RYR1: variants seen among roughly 807,000 people sequenced by gnomAD.
RYR1 encodes the protein central core disease of muscle.
Under a neutral mutation model 583.5 loss-of-function variants are expected in RYR1, and 342 were observed. That is an observed-to-expected ratio of 0.59 (90% CI 0.54 to 0.64). RYR1 has a LOEUF of 0.64. RYR1 is among the 30% of genes least tolerant of loss of function. The pLI, the probability that RYR1 is intolerant of heterozygous loss-of-function variation, is 0.00. For synonymous variants in RYR1, 2,791 were observed against 2,822.5 expected, an observed-to-expected ratio of 0.99 and a Z score of 0.35; for missense variants, 6,032 against 6,917.2, an observed-to-expected ratio of 0.87 and a Z score of 4.54.
chr19:38,469,040 C>T lies in RYR1; in HGVS notation c.3456C>T (p.Ile1152=), dbSNP rs11083462. The T allele has an allele frequency of 0.37, 601,868 of 1,613,670 alleles. 114,716 individuals are homozygous for T. The highest frequency in any genetic ancestry group is 0.52 in the South Asian group (47,735 of 91,060). The change falls in exon 26 of 106, where the codon ATC becomes ATT. Residue 1152 remains isoleucine, a synonymous_variant. Coordinates refer to ENST00000359596, the MANE Select transcript of RYR1 (RefSeq NM_000540.3). ...WQPGDVVGCM[I]DLTENTIIFT... is the part of the protein sequence containing the mutation. ...CGGGCGATGTCGTTGGCTGTATGAT[C>T]GACCTCACAGAGAACACCATTATCT...
intron 3 of RYR1, 124 bp downstream of exon 3, chr19:38,442,577 T>C (rs1216481479): frequency 4.3e-6 from 3 of 699,606 alleles, no homozygotes; most frequent in African/African-American, 1.8e-5. Flanking sequence ...CTGCTCTTCT[T>C]CCTCTCTCTG....
chr19:38,568,817 C>T (rs1973572117), intron 93 of RYR1, among the ~76,000 whole-genome samples: 3 of 151,766 alleles, frequency 2.0e-5, no homozygotes, highest in African/African-American at 7.3e-5. Context: ...GTGGTTCCGT[C>T]AGAATTTGTG....
At chr19:38,578,245 G>T (rs753860659) in intron 99 of RYR1, 41 bp downstream of exon 99, 7 of 1,603,604 alleles carry the variant, frequency 4.4e-6, no homozygotes, top group African/African-American at 2.7e-5. Flanking sequence ...CTCTGCAGGG[G>T]TGGGGCGTTA....
intron 92 of RYR1, among the ~76,000 whole-genome samples, chr19:38,567,368 C>A (rs1479030809): frequency 6.6e-6 from 1 of 151,998 alleles, no homozygotes; most frequent in Admixed American, 6.6e-5. Flanking sequence ...AATGAAAACT[C>A]CCATCTAACT....
chr19:38,495,655 G>A (rs1276528814), intron 39 of RYR1, among the ~76,000 whole-genome samples: 1 of 152,142 alleles, frequency 6.6e-6, no homozygotes, highest in Non-Finnish European at 1.5e-5. Context: ...GACAACATTT[G>A]ACAAAGGGCA....
At chr19:38,473,342 T>C in intron 27 of RYR1, 35 bp from the exon 28 acceptor site, 1 of 1,613,006 alleles carries the variant, frequency 6.2e-7, no homozygotes, top group South Asian at 1.1e-5. Context: ...CTAGCCCGCC[T>C]GCCCAGCCCA....
chr19:38,463,141 GCC>G lies in RYR1; in HGVS notation c.2578-269_2578-268del, dbSNP rs34883994. ...TTGAACTCCTGACCTCAGGCGATCTGCCCCCCCCCCCCCCACTTAGCCTCCCA... is the reference window on the plus strand; with the variant it reads ...TTGAACTCCTGACCTCAGGCGATCTGCCCCCCCCCCCCACTTAGCCTCCCA... On this transcript the variant is annotated intron_variant, in intron 20 of 105. Coordinates refer to ENST00000359596, the MANE Select transcript of RYR1 (RefSeq NM_000540.3). 9.4e-4 allele frequency among the ~76,000 whole-genome samples: 31 copies of G among 32,954 alleles called. 4 individuals carry two copies. Among genetic ancestry groups the G allele is most frequent in the African/African-American group, 5.0e-3 (24 of 4,780 alleles). The allele number at this position is 32,954 out of a possible 152,430, so 21.6% of individuals were successfully genotyped here. A position where few individuals can be genotyped will look rare whatever the true frequency, so the allele number is the denominator to read the frequency against.
Position 38,529,075 on chromosome 19 carries a change from G to A in RYR1, c.11141+18G>A, listed in dbSNP as rs1971615286. The A allele has an allele frequency of 6.2e-7, 1 of 1,612,640 alleles. No homozygotes were observed. The highest frequency in any genetic ancestry group is 8.5e-7 in the Non-Finnish European group (1 of 1,179,694). The stretch of plus-strand genomic sequence containing the variant: ...GAAAAGAGGTGAAGACTCTTGCCAG[G>A]GCCCCAGAAATGCCCCCAAGGTCCT... On this transcript the variant is annotated intron_variant, in intron 76 of 105. Transcript: ENST00000359596.
intron 101 of RYR1, among the ~76,000 whole-genome samples, chr19:38,582,768 C>T (rs1048516514): frequency 2.6e-5 from 4 of 152,150 alleles, no homozygotes; most frequent in Non-Finnish European, 5.9e-5. Context: ...ACTAGAGACA[C>T]AGGCCACAAT....
chr19:38,491,169 C>T (rs995198414), intron 37 of RYR1, among the ~76,000 whole-genome samples: 1 of 152,148 alleles, frequency 6.6e-6, no homozygotes, highest in Non-Finnish European at 1.5e-5. Flanking sequence ...TTTTCCTTGG[C>T]TGACTTTTAA....
rs772882086 is a variant in RYR1, at chr19:38,477,793, C to G, written c.4377C>G (p.His1459Gln). ...AGWVTPDYHQ[H>Q]DMSFDLSKVR... ...GGGTCACCCCTGACTACCATCAGCACGACATGAGCTTCGACCTCAGCAAGG... is the reference window on the plus strand; with the variant it reads ...GGGTCACCCCTGACTACCATCAGCAGGACATGAGCTTCGACCTCAGCAAGG... Residue 1459 changes from histidine to glutamine, a missense_variant, in exon 30 of 106, where the codon CAC becomes CAG. Physicochemically the swap from His to Gln is conservative, Grantham distance 24. Transcript: ENST00000359596. 6.2e-7 allele frequency: 1 copy of G among 1,613,928 alleles called. No homozygotes were observed. Among genetic ancestry groups the G allele is most frequent in the Non-Finnish European group, 8.5e-7 (1 of 1,180,006 alleles).
In RYR1 at chr19:38,512,889, TCACTTGAGTCC is replaced by T. The variant is rs1004417123; in HGVS notation, c.9472+407_9472+417del. Among the ~76,000 whole-genome samples, 6 of 152,018 alleles carry T rather than the reference TCACTTGAGTCC, an allele frequency of 3.9e-5. No individual in the cohort carries two copies. Among genetic ancestry groups the T allele is most frequent in the Non-Finnish European group, 8.8e-5 (6 of 67,964 alleles). Reference sequence around the variant, plus strand: ...TACTGGGGAGGCTGACAAGGGAGGATCACTTGAGTCCAAGAGTTGGAGGCTGCAATGAGCTA... The same window carrying T: ...TACTGGGGAGGCTGACAAGGGAGGATAAGAGTTGGAGGCTGCAATGAGCTA... On this transcript the variant is annotated intron_variant, in intron 63 of 105. Transcript: ENST00000359596. The surrounding 1 kb of genome is among the most constrained non-coding windows in gnomAD (Gnocchi z 5.1).
chr19:38,460,636 TAGGAGTC>T, intron 20 of RYR1, 45 bp downstream of exon 20: 1 of 1,561,340 alleles, frequency 6.4e-7, no homozygotes, highest in Non-Finnish European at 8.7e-7. Flanking sequence ...CAGGGTCTCT[TAGGAGTC>T]AGAGAGGGGG....
chr19:38,519,179 C>T (rs768403521), intron 66 of RYR1, 35 bp from the exon 67 acceptor site: 39 of 1,613,680 alleles, frequency 2.4e-5, no homozygotes, highest in Admixed American at 6.7e-5. Context: ...TGTCAGAGGC[C>T]GGAGGTGGCA....
In RYR1 at chr19:38,505,824, T is replaced by C; in HGVS notation, c.8419T>C (p.Trp2807Arg). 1.2e-6 allele frequency: 2 copies of C among 1,614,074 alleles called. No homozygotes were observed. The highest frequency in any genetic ancestry group is 1.7e-6 in the Non-Finnish European group (2 of 1,180,024). ...FSEKDKEIYR[W>R]PIKESLKAMI... ...ACCCCAGGACAAAGAGATTTACCGC[T>C]GGCCCATCAAGGAGTCCCTGAAGGC... Residue 2807 changes from tryptophan (W) to arginine (R), a missense_variant, in exon 54 of 106, where the codon TGG (tryptophan) becomes CGG (arginine). This residue lies in a region of RYR1 where 1,493 missense variants were observed against 1,715.5 expected (regional missense o/e 0.87). Coordinates refer to ENST00000359596, the MANE Select transcript of RYR1 (RefSeq NM_000540.3).
Position 38,516,160 on chromosome 19 carries a change from C to G in RYR1, c.9628C>G (p.Leu3210Val), listed in dbSNP as rs1187439292. 1 of 1,559,534 alleles carries G rather than the reference C, an allele frequency of 6.4e-7. No individual in the cohort carries two copies. The highest frequency in any genetic ancestry group is 1.2e-5 in the South Asian group (1 of 84,572). ...GCCGGTGGCGTTCCTGGAGCCGCAG[C>G]TGAACGAGTACAACGCCTGCTCCGT... Reference protein sequence around the residue: ...AMPVAFLEPQLNEYNACSVYT... With the variant: ...AMPVAFLEPQVNEYNACSVYT... Residue 3210 changes from leucine to valine, a missense_variant, in exon 65 of 106, where the codon CTG (leucine) becomes GTG (valine). Physicochemically the swap from Leu to Val is conservative, Grantham distance 32. Around this residue, in one of 11 missense-constraint regions of RYR1, gnomAD observed 1,493 missense variants for 1,715.5 expected, o/e 0.87. Transcript: ENST00000359596.
chr19:38,468,973 G>A lies in RYR1; in HGVS notation c.3389G>A (p.Arg1130His), dbSNP rs371498385. 52 of 1,614,052 alleles carry A rather than the reference G, an allele frequency of 3.2e-5. No individual in the cohort carries two copies. Among genetic ancestry groups the A allele is most frequent in the African/African-American group, 1.5e-4 (11 of 74,986 alleles). ...CTCTGGCTGTCCTCACAGGGCCAGC[G>A]CTGGCACTTGGGCAGTGAACCATTT... ...AYVFNGHRGQ[R>H]WHLGSEPFGR... Residue 1130 changes from arginine to histidine, a missense_variant, in exon 26 of 106, where the codon CGC becomes CAC. Physicochemically the swap from Arg to His is conservative, Grantham distance 29. Around this residue, in one of 11 missense-constraint regions of RYR1, gnomAD observed 2,627 missense variants for 2,961.3 expected, o/e 0.89. Coordinates refer to ENST00000359596, the MANE Select transcript of RYR1 (RefSeq NM_000540.3).
At chr19:38,538,216 G>A (rs1972058092) in intron 84 of RYR1, among the ~76,000 whole-genome samples, 1 of 152,050 alleles carries the variant, frequency 6.6e-6, no homozygotes, top group South Asian at 2.1e-4. Context: ...TGGCCAACAT[G>A]GTGAAACCCC....
intron 67 of RYR1, among the ~76,000 whole-genome samples, chr19:38,521,168 C>T (rs1437436951): frequency 1.3e-5 from 2 of 151,944 alleles, no homozygotes; most frequent in African/African-American, 4.8e-5. Flanking sequence ...ACCTGTAGTC[C>T]TTGCCTCAGG....
Sources: allele counts gnomAD v4.1 joint callset (sites outside exome capture counted in the v4.1 genomes callset), GRCh38; gene constraint gnomAD v4.1.1; regional missense constraint gnomAD v4.1.1; non-coding constraint Gnocchi (gnomAD v3.1); transcripts MANE v1.5; gene names NCBI Gene and HGNC (gene_info 2026-07-23, HGNC 2026-07-21).